RNASE4: variants seen among roughly 807,000 people sequenced by gnomAD.
RNASE4 encodes the protein ribonuclease A family member 4, also known as ribonuclease 4.
For missense variants in RNASE4, 194 were observed against 192.8 expected, an observed-to-expected ratio of 1.01 and a Z score of -0.04; for synonymous variants, 93 against 71.4, an observed-to-expected ratio of 1.30 and a Z score of -1.52.
intron 1 of RNASE4, among the ~76,000 whole-genome samples, chr14:20,690,832 A>G (rs1886705175): frequency 6.6e-6 from 1 of 152,258 alleles, no homozygotes; most frequent in Non-Finnish European, 1.5e-5. Context: ...AAGGTGAATA[A>G]TATGAGTTCT....
rs987311788 is a variant in RNASE4 at position 20,700,354 on chromosome 14, G to A, written c.*539G>A. On this transcript the variant is annotated 3_prime_UTR_variant, in exon 2 of 2. Coordinates refer to ENST00000555835, the MANE Select transcript of RNASE4 (RefSeq NM_002937.5). Reference sequence around the variant, plus strand: ...TCCTTAAAATTCACCTGTCAGGGAGGCATTAAAAATTTGGAAATGTATGCC... The same window carrying A: ...TCCTTAAAATTCACCTGTCAGGGAGACATTAAAAATTTGGAAATGTATGCC... 3 of 167,104 alleles carry A rather than the reference G, an allele frequency of 1.8e-5. No homozygotes were observed. The highest frequency in any genetic ancestry group is 7.2e-5 in the African/African-American group (3 of 41,432). 10.4% of individuals were successfully genotyped at this position (167,104 alleles called of 1,614,324 possible). A position where few individuals can be genotyped will look rare whatever the true frequency, so the allele number is the denominator to read the frequency against.
intron 1 of RNASE4, among the ~76,000 whole-genome samples, chr14:20,692,926 C>T (rs962447447): frequency 2.6e-5 from 4 of 152,166 alleles, no homozygotes; most frequent in Non-Finnish European, 4.4e-5. Context: ...CGGCTCACTG[C>T]AAGCTCCGCC....
intron 1 of RNASE4, among the ~76,000 whole-genome samples, chr14:20,698,379 GAGA>G (rs1038267166): frequency 1.3e-5 from 2 of 152,156 alleles, no homozygotes; most frequent in African/African-American, 2.4e-5. Flanking sequence ...AAACAGCAAG[GAGA>G]AGAAGACACA....
At chr14:20,689,131 G>A (rs1318168253) in intron 1 of RNASE4, among the ~76,000 whole-genome samples, 1 of 152,196 alleles carries the variant, frequency 6.6e-6, no homozygotes, top group African/African-American at 2.4e-5. Flanking sequence ...CAAAGGCCTG[G>A]GGGAGCCATT....
chr14:20,685,943 G>C (rs971283464), intron 1 of RNASE4, among the ~76,000 whole-genome samples: 1 of 151,718 alleles, frequency 6.6e-6, no homozygotes, highest in African/African-American at 2.4e-5. Flanking sequence ...GGGAGGCTGA[G>C]ACAGGAGACT....
intron 1 of RNASE4, among the ~76,000 whole-genome samples, chr14:20,692,689 A>T (rs1886831550): frequency 6.6e-6 from 1 of 152,244 alleles, no homozygotes. Flanking sequence ...TGTCTTCCAC[A>T]AAAATGATCC....
At chr14:20,692,856 A>AT (rs895972704) in intron 1 of RNASE4, among the ~76,000 whole-genome samples, 87 of 151,284 alleles carry the variant, frequency 5.8e-4, no homozygotes, top group African/African-American at 2.1e-3. Flanking sequence ...TTTTGTTTTT[A>AT]TTTTTTTCCG....
rs778953428 is a variant in RNASE4, at chr14:20,685,157, G to C, written c.-18+399G>C. Among the ~76,000 whole-genome samples the C allele has an allele frequency of 3.6e-4, 54 of 152,100 alleles. 1 individual carries two copies. Among genetic ancestry groups the C allele is most frequent in the Admixed American group, 3.2e-3 (49 of 15,270 alleles). The stretch of plus-strand genomic sequence containing the variant: ...TTTTTTGCAAGCGTAACTAACATTT[G>C]GGGATCGGTGTTTTCTGTTTACTCT... On this transcript the variant is annotated intron_variant, in intron 1 of 1. Coordinates refer to ENST00000555835, the MANE Select transcript of RNASE4 (RefSeq NM_002937.5).
At chr14:20,696,896 T>G (rs1001158046) in intron 1 of RNASE4, among the ~76,000 whole-genome samples, 2 of 152,208 alleles carry the variant, frequency 1.3e-5, no homozygotes, top group Admixed American at 1.3e-4. Context: ...GATTAAGTAA[T>G]TTTCTCATGG....
intron 1 of RNASE4, chr14:20,693,538 C>T (rs1217696213): frequency 6.2e-7 from 1 of 1,609,678 alleles, no homozygotes; most frequent in South Asian, 1.1e-5. Context: ...CTCCTTTTGC[C>T]CTCCGCAGGA....
chr14:20,687,742 A>G (rs1886492490), intron 1 of RNASE4, among the ~76,000 whole-genome samples: 1 of 152,212 alleles, frequency 6.6e-6, no homozygotes, highest in Non-Finnish European at 1.5e-5. Flanking sequence ...AAAATGAAAG[A>G]TTGCACTGAA....
At chr14:20,689,719 C>A (rs1948525905) in intron 1 of RNASE4, among the ~76,000 whole-genome samples, 1 of 152,034 alleles carries the variant, frequency 6.6e-6, no homozygotes, top group South Asian at 2.1e-4. Flanking sequence ...GAGTTCGAGA[C>A]CAGCCTGGCC....
Position 20,699,804 on chromosome 14 carries a change from T to C in RNASE4, c.433T>C (p.Phe145Leu). The C allele has an allele frequency of 6.2e-7, 1 of 1,612,466 alleles. No individual in the cohort carries two copies. Among genetic ancestry groups the C allele is most frequent in the African/African-American group, 1.3e-5 (1 of 75,040 alleles). ...CEGNPQVPVH[F>L]DG ...GGGTAACCCACAGGTGCCTGTGCAC[T>C]TTGACGGTTAGATGCCACCATGTAG... The change falls in exon 2 of 2, where the codon TTT (phenylalanine) becomes CTT (leucine). Residue 145 changes from phenylalanine (F) to leucine (L), a missense_variant. Phe to Leu is a conservative substitution (Grantham distance 22, BLOSUM62 0). Transcript: ENST00000555835.
Position 20,690,975 on chromosome 14 carries a change from C to T in RNASE4, c.-18+6217C>T, listed in dbSNP as rs1296355249. On this transcript the variant is annotated intron_variant, in intron 1 of 1. Coordinates refer to ENST00000555835, the MANE Select transcript of RNASE4 (RefSeq NM_002937.5). ...CAGGTCGGTCTTTATTTTGTGATAT[C>T]CTTATGGGTAGATTCTGAACTTTGT... Among the ~76,000 whole-genome samples the T allele has an allele frequency of 2.0e-5, 3 of 152,166 alleles. No homozygotes were observed. The East Asian group carries it at 5.8e-4, about 29-fold the overall frequency.
chr14:20,687,469 T>C lies in RNASE4; in HGVS notation c.-18+2711T>C, dbSNP rs367569683. 7.2e-5 allele frequency among the ~76,000 whole-genome samples: 11 copies of C among 152,310 alleles called. No homozygotes were observed. In the East Asian group the frequency reaches 9.6e-4, roughly 13 times the overall value. Reference sequence around the variant, plus strand: ...GTGCTTGAATTGGTGCTTCAGGCCATGGGGCTGTGTGTGTGCAGGCGCATA... The same window carrying C: ...GTGCTTGAATTGGTGCTTCAGGCCACGGGGCTGTGTGTGTGCAGGCGCATA... On this transcript the variant is annotated intron_variant, in intron 1 of 1. Coordinates refer to ENST00000555835, the MANE Select transcript of RNASE4 (RefSeq NM_002937.5).
chr14:20,695,407 A>G (rs965778550), intron 1 of RNASE4, among the ~76,000 whole-genome samples: 1 of 151,970 alleles, frequency 6.6e-6, no homozygotes, highest in Admixed American at 6.6e-5. Context: ...AAAAAAAAAA[A>G]AAAGAAAGAT....
chr14:20,688,761 C>T, intron 1 of RNASE4: 2 of 985,302 alleles, frequency 2.0e-6, no homozygotes, highest in Non-Finnish European at 2.4e-6. Context: ...ATAATCAGAA[C>T]CTGGAGAGGC....
intron 1 of RNASE4, chr14:20,694,062 C>T: frequency 6.3e-7 from 1 of 1,599,856 alleles, no homozygotes; most frequent in South Asian, 1.1e-5. Flanking sequence ...TCCATTTCCC[C>T]TCTGCACCCA....
At position 20,699,646 on chromosome 14, in the gene RNASE4, G is replaced by A; in HGVS notation, c.275G>A (p.Cys92Tyr). 1 of 1,612,486 alleles carries A rather than the reference G, an allele frequency of 6.2e-7. No individual in the cohort carries two copies. Reference sequence around the variant, plus strand: ...ATCTGCAGCACCACCAATATCCAATGCAAGAACGGCAAGATGAACTGCCAT... The same window carrying A: ...ATCTGCAGCACCACCAATATCCAATACAAGAACGGCAAGATGAACTGCCAT... Reference protein sequence around the residue: ...RSICSTTNIQCKNGKMNCHEG... With the variant: ...RSICSTTNIQYKNGKMNCHEG... The change falls in exon 2 of 2, where the codon TGC becomes TAC. Residue 92 changes from cysteine to tyrosine, a missense_variant. Transcript: ENST00000555835.
Sources: allele counts gnomAD v4.1 joint callset (sites outside exome capture counted in the v4.1 genomes callset), GRCh38; gene constraint gnomAD v4.1.1; transcripts MANE v1.5; gene names NCBI Gene and HGNC (gene_info 2026-07-23, HGNC 2026-07-21).